Variants in STX8 observed in about 807,000 individuals in gnomAD.
The protein encoded by STX8 is syntaxin-8.
Under a neutral mutation model 37.5 loss-of-function variants are expected in STX8, and 23 were observed. That is an observed-to-expected ratio of 0.61 (90% CI 0.44 to 0.87). The LOEUF is 0.87. Among genes scored for constraint, STX8 ranks in the 40% least tolerant of loss-of-function variants. The pLI, the probability that STX8 is intolerant of heterozygous loss-of-function variation, is 0.00. For missense variants in STX8, 313 were observed against 284.7 expected (o/e 1.10, Z -0.71); for synonymous variants, 115 against 99.1 (o/e 1.16, Z -0.95).
chr17:9,507,981 A>G lies in STX8; in HGVS notation c.324-2819T>C, dbSNP rs1162875327. On this transcript the variant is annotated intron_variant, in intron 4 of 7. Coordinates refer to ENST00000306357, the MANE Select transcript of STX8 (RefSeq NM_004853.3). The surrounding 1 kb of genome is among the most constrained non-coding windows in gnomAD (Gnocchi z 4.0). ...TTGGAAGAGGCAATTATTCCACCAG[A>G]TGCATAGACATCAACATAGGGATAC... is the stretch of plus-strand genomic sequence containing the variant. Among the ~76,000 whole-genome samples, 1 of 152,218 alleles carries G rather than the reference A, an allele frequency of 6.6e-6. No homozygotes were observed. The highest frequency in any genetic ancestry group is 2.4e-5 in the African/African-American group (1 of 41,454).
At chr17:9,472,148 G>A (rs1905897149) in intron 6 of STX8, among the ~76,000 whole-genome samples, 1 of 151,598 alleles carries the variant, frequency 6.6e-6, no homozygotes, top group South Asian at 2.1e-4. Flanking sequence ...CCACTAAGAG[G>A]AGCCAGAGGT....
intron 6 of STX8, among the ~76,000 whole-genome samples, chr17:9,439,548 TGCGGTGG>T (rs1904565572): frequency 6.8e-6 from 1 of 148,036 alleles, no homozygotes; most frequent in Non-Finnish European, 1.5e-5. Context: ...TTTTTTTTTT[TGCGGTGG>T]TGTGATCTTG....
intron 7 of STX8, among the ~76,000 whole-genome samples, chr17:9,345,864 T>TTTTTTTTTTC (rs1910514909): frequency 7.2e-6 from 1 of 138,588 alleles, no homozygotes; most frequent in Non-Finnish European, 1.6e-5. Flanking sequence ...TTTTTTTTTT[T>TTTTTTTTTTC]TTTTGAGATG....
At chr17:9,432,454 C>G (rs181512761) in intron 6 of STX8, among the ~76,000 whole-genome samples, 256 of 152,054 alleles carry the variant, frequency 1.7e-3, no homozygotes, top group African/African-American at 5.9e-3. Flanking sequence ...TAACATCTCC[C>G]GATTTCCACT....
At chr17:9,535,493 C>T (rs12051800) in intron 4 of STX8, among the ~76,000 whole-genome samples, 118 of 117,078 alleles carry the variant, frequency 1.0e-3, no homozygotes, top group Non-Finnish European at 1.5e-3. Flanking sequence ...AGTGCAGTGG[C>T]GCAATCTCGG....
At chr17:9,559,758 A>ATTTTTTTTT (rs1159388418) in intron 2 of STX8, among the ~76,000 whole-genome samples, 5 of 28,366 alleles carry the variant, frequency 1.8e-4, no homozygotes, top group African/African-American at 5.4e-4. Context: ...ATATATATAT[A>ATTTTTTTTT]TATTTTTTTT....
chr17:9,251,301 C>T (rs775959577), intron 7 of STX8, among the ~76,000 whole-genome samples: 1 of 152,218 alleles, frequency 6.6e-6, no homozygotes, highest in Non-Finnish European at 1.5e-5. Context: ...CTGACCATTG[C>T]CTGTTCCTTC....
At chr17:9,313,124 G>T (rs1460255440) in intron 7 of STX8, among the ~76,000 whole-genome samples, 1 of 152,144 alleles carries the variant, frequency 6.6e-6, no homozygotes, top group Non-Finnish European at 1.5e-5. Flanking sequence ...CTGGGAGGCG[G>T]AGGTTATGGT....
chr17:9,450,470 A>T, intron 6 of STX8, among the ~76,000 whole-genome samples: 1 of 151,572 alleles, frequency 6.6e-6, no homozygotes, highest in East Asian at 1.9e-4. Flanking sequence ...ATTCTCCAAG[A>T]CCCATATATA....
At chr17:9,548,544 C>T (rs1299228345) in intron 3 of STX8, 1 of 152,108 alleles carries the variant, frequency 6.6e-6, no homozygotes, top group African/African-American at 2.4e-5. Context: ...GACTTAGAAG[C>T]AAGGATGTCC....
intron 6 of STX8, among the ~76,000 whole-genome samples, chr17:9,442,605 A>G (rs969197321): frequency 5.3e-5 from 8 of 152,066 alleles, no homozygotes; most frequent in African/African-American, 1.9e-4. Flanking sequence ...ACGGGGTTTC[A>G]CCATGTTGGC....
chr17:9,367,217 G>T (rs1383806808), intron 7 of STX8, among the ~76,000 whole-genome samples: 1 of 149,468 alleles, frequency 6.7e-6, no homozygotes, highest in Non-Finnish European at 1.5e-5. Context: ...CCAGATCCAA[G>T]TTTTGTTTCT....
At chr17:9,257,628 T>C (rs188724112) in intron 7 of STX8, among the ~76,000 whole-genome samples, 3 of 152,338 alleles carry the variant, frequency 2.0e-5, no homozygotes, top group South Asian at 2.1e-4. Context: ...GGAGTCTTTT[T>C]ATCTGGTTTT....
intron 7 of STX8, among the ~76,000 whole-genome samples, chr17:9,341,581 CAT>C (rs1253044810): frequency 6.6e-6 from 1 of 152,122 alleles, no homozygotes; most frequent in African/African-American, 2.4e-5. Flanking sequence ...GGATTACAGG[CAT>C]GTGCCACCAG....
At chr17:9,572,534 T>C (rs1907724310) in intron 1 of STX8, among the ~76,000 whole-genome samples, 1 of 152,062 alleles carries the variant, frequency 6.6e-6, no homozygotes, top group Admixed American at 6.6e-5. Context: ...CTCAGCCTCC[T>C]GAGTAGCTGG....
intron 7 of STX8, 90 bp from the exon 8 acceptor site, chr17:9,250,735 T>G (rs867595065): frequency 6.2e-6 from 8 of 1,296,432 alleles, no homozygotes; most frequent in Middle Eastern, 3.7e-4. Context: ...CTCAGAGGGA[T>G]GTAGTTCCCT....
chr17:9,421,260 C>T (rs988170894), intron 6 of STX8, among the ~76,000 whole-genome samples: 57 of 151,736 alleles, frequency 3.8e-4, no homozygotes, highest in Non-Finnish European at 6.2e-4. Flanking sequence ...GGCATGGTGG[C>T]GCATGCCTGT....
chr17:9,493,620 T>C (rs1906949773), intron 5 of STX8, among the ~76,000 whole-genome samples: 1 of 152,256 alleles, frequency 6.6e-6, no homozygotes, highest in Non-Finnish European at 1.5e-5. Flanking sequence ...GACCCTCAGC[T>C]GAGCCTTCTC....
chr17:9,574,531 TG>T (rs1907816297), intron 1 of STX8, among the ~76,000 whole-genome samples: 1 of 98,068 alleles, frequency 1.0e-5, no homozygotes, highest in Non-Finnish European at 2.2e-5. Flanking sequence ...TTAGGGATTT[TG>T]GGGTTTTTTA....
Sources: allele counts gnomAD v4.1 joint callset (sites outside exome capture counted in the v4.1 genomes callset), GRCh38; gene constraint gnomAD v4.1.1; non-coding constraint Gnocchi (gnomAD v3.1); transcripts MANE v1.5; gene names NCBI Gene and HGNC (gene_info 2026-07-23, HGNC 2026-07-21).